The following KCNIP4 variants were observed in gnomAD, a reference collection of about 807,000 sequenced individuals.
KCNIP4 encodes the protein Kv channel-interacting protein 4.
Under a neutral mutation model 34.0 loss-of-function variants are expected in KCNIP4, and 12 were observed. The ratio of observed to expected loss-of-function variants is 0.35; its 90% confidence interval spans 0.23 to 0.57. The LOEUF (loss-of-function observed/expected upper bound fraction) is 0.57. Among genes scored for constraint, KCNIP4 ranks in the 20% least tolerant of loss-of-function variants. The probability of loss-of-function intolerance (pLI) is 0.83; values close to 1 mark genes in which losing one functional copy is unlikely to be tolerated. For synonymous variants in KCNIP4, 124 were observed against 102.2 expected (o/e 1.21, Z -1.29); for missense variants, 238 against 311.7 (o/e 0.76, Z 1.78).
intron 1 of KCNIP4, among the ~76,000 whole-genome samples, chr4:21,017,005 C>T (rs1029113335): frequency 1.3e-5 from 2 of 151,970 alleles, no homozygotes; most frequent in Non-Finnish European, 2.9e-5. Context: ...ATTGATTCTA[C>T]CATTTTATGA....
chr4:21,494,867 TAA>T lies in KCNIP4; in HGVS notation c.61+453702_61+453703del, dbSNP rs1166608584. Among the ~76,000 whole-genome samples the T allele has an allele frequency of 3.9e-5, 6 of 152,030 alleles. 1 individual carries two copies. In the South Asian group the frequency reaches 6.2e-4, roughly 16 times the overall value. On this transcript the variant is annotated intron_variant, in intron 1 of 8. Coordinates refer to ENST00000382152, the MANE Select transcript of KCNIP4 (RefSeq NM_025221.6). ...AAAAGTCTGAATATGTCAAAATTAC[TAA>T]GTCTGTTAAAATTAATTTATAATTA... is the stretch of plus-strand genomic sequence containing the variant.
intron 1 of KCNIP4, among the ~76,000 whole-genome samples, chr4:21,453,602 T>C (rs1236953605): frequency 6.6e-6 from 1 of 151,998 alleles, no homozygotes; most frequent in Non-Finnish European, 1.5e-5. Context: ...CACTCAAGCC[T>C]CATCACAGAG....
In KCNIP4 at chr4:21,862,568, T is replaced by C. The variant is rs189532634; in HGVS notation, c.61+86003A>G. Among the ~76,000 whole-genome samples the C allele has an allele frequency of 5.9e-5, 9 of 152,258 alleles. No homozygotes were observed. The East Asian group carries it at 1.7e-3, about 29-fold the overall frequency. ...TTTCAGTATAGCAGACACACAAAGC[T>C]TCATCGAGAAAGTGACATTTAAGTA... On this transcript the variant is annotated intron_variant, in intron 1 of 8. Transcript: ENST00000382152.
chr4:21,266,364 G>A (rs930965854), intron 1 of KCNIP4, among the ~76,000 whole-genome samples: 1 of 151,800 alleles, frequency 6.6e-6, no homozygotes, highest in African/African-American at 2.4e-5. Flanking sequence ...TTTGACTAAA[G>A]TAACAAATTA....
intron 1 of KCNIP4, among the ~76,000 whole-genome samples, chr4:21,662,181 G>A (rs56150146): frequency 0.12 from 17,915 of 152,136 alleles, 1,101 homozygotes; most frequent in Non-Finnish European, 0.14. Context: ...CAGAGTCAGC[G>A]GTGCCCTGGG....
At chr4:20,954,849 G>T (rs781063058) in intron 1 of KCNIP4, among the ~76,000 whole-genome samples, 1 of 152,174 alleles carries the variant, frequency 6.6e-6, no homozygotes, top group Non-Finnish European at 1.5e-5. Context: ...GGTTTGGGTC[G>T]TGTAATCCTA....
intron 3 of KCNIP4, among the ~76,000 whole-genome samples, chr4:20,838,801 G>A (rs1433843026): frequency 1.3e-5 from 2 of 152,122 alleles, no homozygotes; most frequent in Non-Finnish European, 2.9e-5. Context: ...AAGAAAATGG[G>A]AGCTTTCTTA....
chr4:21,051,571 T>C (rs1334915544), intron 1 of KCNIP4, among the ~76,000 whole-genome samples: 2 of 152,184 alleles, frequency 1.3e-5, no homozygotes, highest in Non-Finnish European at 2.9e-5. Context: ...ATTGTTTAGT[T>C]CTTTTTTTTT....
Position 21,529,537 on chromosome 4 carries a change from TTA to T in KCNIP4, c.61+419032_61+419033del, listed in dbSNP as rs576805629. Reference sequence around the variant, plus strand: ...CCATAAAATTGTATAGAAATCAATCTTAGTTTTTTTTATCTTCTTTTTCTTCA... The same window carrying T: ...CCATAAAATTGTATAGAAATCAATCTGTTTTTTTTATCTTCTTTTTCTTCA... On this transcript the variant is annotated intron_variant, in intron 1 of 8. Transcript: ENST00000382152. 2.6e-5 allele frequency among the ~76,000 whole-genome samples: 4 copies of T among 152,308 alleles called. 1 individual carries two copies. In the South Asian group the frequency reaches 8.3e-4, roughly 32 times the overall value.
rs140032501 is a variant in KCNIP4 at position 20,730,895 on chromosome 4, A to G, written c.706-766T>C. On this transcript the variant is annotated intron_variant, in intron 8 of 8. Coordinates refer to ENST00000382152, the MANE Select transcript of KCNIP4 (RefSeq NM_025221.6). ...CCAATAATGGCTTCCACTGCTAGAA[A>G]CCAAGTAACATCACCGTCAAGCAGC... 4.1e-3 allele frequency among the ~76,000 whole-genome samples: 628 copies of G among 152,218 alleles called. 9 individuals are homozygous for G. Among genetic ancestry groups the G allele is most frequent in the African/African-American group, 0.014 (594 of 41,540 alleles).
intron 1 of KCNIP4, among the ~76,000 whole-genome samples, chr4:20,883,557 T>A (rs73802390): frequency 0.054 from 8,146 of 152,190 alleles, 273 homozygotes; most frequent in East Asian, 0.15. Context: ...GACACTTGGA[T>A]GTCATGTTAA....
At chr4:20,974,276 G>A (rs1276404187) in intron 1 of KCNIP4, among the ~76,000 whole-genome samples, 1 of 152,164 alleles carries the variant, frequency 6.6e-6, no homozygotes, top group Non-Finnish European at 1.5e-5. Context: ...TGTTCAGCTG[G>A]AGAGAAAATG....
intron 1 of KCNIP4, among the ~76,000 whole-genome samples, chr4:21,803,415 C>G (rs1399451266): frequency 6.6e-6 from 1 of 152,200 alleles, no homozygotes; most frequent in East Asian, 1.9e-4. Context: ...CCAATATGTT[C>G]TTCACACAAC....
rs1722676316 is a variant in KCNIP4 at position 20,864,571 on chromosome 4, G to A, written c.164-13904C>T. ...TGGGAAGTCTGGTTCCAGGATTCAT[G>A]TAATAACTATTCAGCTGTTCTGCCT... is the stretch of plus-strand genomic sequence containing the variant. On this transcript the variant is annotated intron_variant, in intron 2 of 8. Transcript: ENST00000382152. Among the ~76,000 whole-genome samples the A allele has an allele frequency of 2.0e-5, 3 of 152,144 alleles. No homozygotes were observed. The South Asian group carries it at 6.2e-4, about 32-fold the overall frequency.
At chr4:21,472,710 G>A (rs747789902) in intron 1 of KCNIP4, among the ~76,000 whole-genome samples, 10 of 151,992 alleles carry the variant, frequency 6.6e-5, no homozygotes, top group Non-Finnish European at 1.0e-4. Flanking sequence ...TCAGGTTATC[G>A]GTAAAATCTA....
chr4:21,070,084 A>G (rs77920689), intron 1 of KCNIP4, among the ~76,000 whole-genome samples: 2,561 of 152,310 alleles, frequency 0.017, 83 homozygotes, highest in African/African-American at 0.059. Context: ...AAATGGAATC[A>G]TACCAGATGT....
chr4:21,183,431 A>G (rs4254764), intron 1 of KCNIP4, among the ~76,000 whole-genome samples: 11,022 of 149,382 alleles, frequency 0.074, 563 homozygotes, highest in South Asian at 0.16. Flanking sequence ...TTTTTGGAGG[A>G]ACTTTATGCA....
chr4:21,612,008 C>T (rs1264170525), intron 1 of KCNIP4, among the ~76,000 whole-genome samples: 1 of 152,172 alleles, frequency 6.6e-6, no homozygotes, highest in Non-Finnish European at 1.5e-5. Flanking sequence ...AACTTTAGAA[C>T]AGCCAATAAT....
intron 1 of KCNIP4, among the ~76,000 whole-genome samples, chr4:21,351,476 G>A (rs898730142): frequency 5.3e-5 from 8 of 152,118 alleles, no homozygotes; most frequent in African/African-American, 1.9e-4. Flanking sequence ...GGCCTCCCTA[G>A]ACATGCAGAA....
Sources: allele counts gnomAD v4.1 joint callset (sites outside exome capture counted in the v4.1 genomes callset), GRCh38; gene constraint gnomAD v4.1.1; transcripts MANE v1.5; gene names NCBI Gene and HGNC (gene_info 2026-07-23, HGNC 2026-07-21).